Variants in SAFB2 observed in about 807,000 individuals in gnomAD.
The protein encoded by SAFB2 is scaffold attachment factor B2.
A neutral mutation model predicts 100.6 loss-of-function variants in SAFB2; 32 were observed. The ratio of observed to expected loss-of-function variants is 0.32; its 90% CI spans 0.24 to 0.43. SAFB2 has a LOEUF of 0.43. Ranked by LOEUF, SAFB2 falls within the 20% of genes least tolerant of loss-of-function variation. The probability of loss-of-function intolerance (pLI) is 1.00; values close to 1 mark genes in which losing one functional copy is unlikely to be tolerated. For missense variants in SAFB2, 1,185 were observed against 1,163.4 expected, an observed-to-expected ratio of 1.02 and a Z score of -0.27; for synonymous variants, 500 against 439.4, an observed-to-expected ratio of 1.14 and a Z score of -1.72.
chr19:5,622,766 A>G lies in SAFB2; in HGVS notation c.-51T>C, dbSNP rs761296395. 6.5e-7 allele frequency: 1 copy of G among 1,547,586 alleles called. No individual in the cohort carries two copies. Among genetic ancestry groups the G allele is most frequent in the South Asian group, 1.2e-5 (1 of 85,582 alleles). On this transcript the variant is annotated 5_prime_UTR_variant, in exon 1 of 21. Transcript: ENST00000252542. ...ACTCAGTCGCACACCGCCGGCAGCTATAGCGGCTCTGAACACAAAATGGCG... is the reference window on the plus strand; with the variant it reads ...ACTCAGTCGCACACCGCCGGCAGCTGTAGCGGCTCTGAACACAAAATGGCG...
intron 9 of SAFB2, among the ~76,000 whole-genome samples, chr19:5,606,603 G>A (rs901062704): frequency 3.9e-5 from 6 of 152,128 alleles, no homozygotes; most frequent in Admixed American, 6.5e-5. Context: ...GGGTGACACA[G>A]TGAGATCCTG....
intron 14 of SAFB2, among the ~76,000 whole-genome samples, chr19:5,594,572 G>A (rs958516014): frequency 6.6e-5 from 10 of 152,102 alleles, no homozygotes; most frequent in Middle Eastern, 3.2e-3. Flanking sequence ...AATGACAACT[G>A]GACTCTGCTT....
At chr19:5,616,605 C>A (rs1319640437) in intron 2 of SAFB2, 119 bp from the exon 3 acceptor site, 2 of 843,900 alleles carry the variant, frequency 2.4e-6, no homozygotes, top group East Asian at 4.9e-5. Context: ...ATAAGTCTCC[C>A]CTCTCCTGTC....
chr19:5,607,269 A>G (rs185711352), intron 9 of SAFB2, among the ~76,000 whole-genome samples: 16 of 151,750 alleles, frequency 1.1e-4, no homozygotes, highest in Non-Finnish European at 1.9e-4. Flanking sequence ...TCAAAAACAA[A>G]CAAAAACAAA....
intron 13 of SAFB2, among the ~76,000 whole-genome samples, chr19:5,596,217 T>G (rs1258103635): frequency 2.0e-5 from 3 of 152,210 alleles, no homozygotes; most frequent in Non-Finnish European, 2.9e-5. Context: ...GAGCTGAGAT[T>G]GCGCCACTGT....
rs1303648616 is a variant in SAFB2 at position 5,622,512 on chromosome 19, A to T, written c.186+18T>A. On this transcript the variant is annotated intron_variant, in intron 1 of 20. Coordinates refer to ENST00000252542, the MANE Select transcript of SAFB2 (RefSeq NM_014649.3). ...GCCCGGGCCTCCTGCGCCACCCCCG[A>T]GCCCCGCGCCGCCTCACCTTCTTGA... 18 of 1,581,492 alleles carry T rather than the reference A, an allele frequency of 1.1e-5. 1 individual carries two copies. In the Admixed American group the frequency reaches 2.3e-4, roughly 20 times the overall value.
At chr19:5,589,121 G>A (rs57618432) in intron 18 of SAFB2, 13,586 of 152,312 alleles carry the variant, frequency 0.089, 922 homozygotes, top group African/African-American at 0.19. Context: ...GTGCAATACC[G>A]CCCTGGAGGG....
chr19:5,612,847 C>A (rs1052591949), intron 5 of SAFB2, among the ~76,000 whole-genome samples: 1 of 152,208 alleles, frequency 6.6e-6, no homozygotes, highest in African/African-American at 2.4e-5. Context: ...ACCAAGCTGA[C>A]CTAGTGGCTG....
rs766897032 is a variant in SAFB2 at position 5,595,380 on chromosome 19, G to T, written c.1900C>A (p.Arg634Ser). The T allele has an allele frequency of 1.2e-6, 2 of 1,611,596 alleles. No individual in the cohort carries two copies. Among genetic ancestry groups the T allele is most frequent in the Non-Finnish European group, 1.7e-6 (2 of 1,179,880 alleles). ...ACTCACCGCCGCCTCTCCGTTTCGC[G>T]GATCTCCCGTTCCCGCTGCCTCTGG... ...ERQRQREREIRETERRREREQ... is the reference protein window; with the variant it reads ...ERQRQREREISETERRREREQ... Residue 634 changes from arginine to serine, a missense_variant, in exon 14 of 21, where the codon CGC becomes AGC. Arg to Ser is a moderately radical substitution (Grantham distance 110). This residue lies in a region of SAFB2 where 740 missense variants were observed against 687.1 expected (regional missense o/e 1.08). Coordinates refer to ENST00000252542, the MANE Select transcript of SAFB2 (RefSeq NM_014649.3).
rs374129442 is a variant in SAFB2, at chr19:5,588,112, A to G, written c.2526-132T>C. 4.9e-5 allele frequency: 37 copies of G among 760,316 alleles called. No homozygotes were observed. In the African/African-American group the frequency reaches 5.1e-4, roughly 11 times the overall value. The allele number at this position is 760,316 out of a possible 1,614,324, so 47.1% of individuals were successfully genotyped here. A position where few individuals can be genotyped will look rare whatever the true frequency, so the allele number is the denominator to read the frequency against. ...AACAAGGGCTGCATGTCAAGTGGGC[A>G]AATCAAGGGAAGGGACATTTCCCCA... is the stretch of plus-strand genomic sequence containing the variant. On this transcript the variant is annotated intron_variant, in intron 18 of 20. Transcript: ENST00000252542.
chr19:5,615,234 G>C (rs1163018966), intron 4 of SAFB2, among the ~76,000 whole-genome samples: 1 of 152,152 alleles, frequency 6.6e-6, no homozygotes, highest in Non-Finnish European at 1.5e-5. Flanking sequence ...GCATGCCTCT[G>C]GTCCCAGCTC....
At chr19:5,613,713 C>T (rs535611522) in intron 4 of SAFB2, 186 bp from the exon 5 acceptor site, 23 of 985,464 alleles carry the variant, frequency 2.3e-5, no homozygotes, top group African/African-American at 7.0e-5. Context: ...CGACTCTGCT[C>T]CACCAGCGTC....
rs1375337874 is a variant in SAFB2 at position 5,600,122 on chromosome 19, C to T, written c.1690+8G>A. ...CCCCTTCCACAGCTCTTAAAAGGCT[C>T]TCCTCACCTGATTTGGTGACTCTAG... On this transcript the variant is annotated splice_region_variant and intron_variant, in intron 12 of 20. Coordinates refer to ENST00000252542, the MANE Select transcript of SAFB2 (RefSeq NM_014649.3). The T allele has an allele frequency of 6.2e-7, 1 of 1,609,440 alleles. No homozygotes were observed. Among genetic ancestry groups the T allele is most frequent in the Non-Finnish European group, 8.5e-7 (1 of 1,178,788 alleles).
chr19:5,588,403 GC>G (rs1451784736), intron 18 of SAFB2, among the ~76,000 whole-genome samples: 36 of 152,178 alleles, frequency 2.4e-4, no homozygotes, highest in Non-Finnish European at 4.7e-4. Context: ...ATTCCTACCT[GC>G]CAGAAATGAA....
intron 11 of SAFB2, among the ~76,000 whole-genome samples, chr19:5,601,552 T>C (rs1234853797): frequency 6.6e-6 from 1 of 151,596 alleles, no homozygotes; most frequent in African/African-American, 2.4e-5. Flanking sequence ...CTACTAAAAA[T>C]ACAAAAAAAT....
At position 5,598,963 on chromosome 19, in the gene SAFB2, C is replaced by T; in HGVS notation, c.1691-79G>A. On this transcript the variant is annotated intron_variant, in intron 12 of 20. Transcript: ENST00000252542. The stretch of plus-strand genomic sequence containing the variant: ...GCAGTAAACAGCACTCTGATGGACC[C>T]TGGGCTTTTGAACACACAAGGCGTG... The T allele has an allele frequency of 2.3e-6, 3 of 1,331,386 alleles. 1 individual carries two copies. In the South Asian group the frequency reaches 3.6e-5, roughly 16 times the overall value. The allele number at this position is 1,331,386 out of a possible 1,614,324, so 82.5% of individuals were successfully genotyped here. A position where few individuals can be genotyped will look rare whatever the true frequency, so the allele number is the denominator to read the frequency against.
intron 9 of SAFB2, among the ~76,000 whole-genome samples, chr19:5,607,903 A>C (rs574756383): frequency 2.6e-5 from 4 of 152,384 alleles, no homozygotes; most frequent in African/African-American, 9.6e-5. Context: ...GTCCAGGGCC[A>C]AAGGGACAGA....
chr19:5,613,779 T>C (rs2052962842), intron 4 of SAFB2: 1 of 983,534 alleles, frequency 1.0e-6, no homozygotes, highest in South Asian at 4.7e-5. Context: ...AATGAACGAA[T>C]GAATTTCCCA....
At chr19:5,595,635 A>AG (rs2052520982) in intron 13 of SAFB2, 138 bp from the exon 14 acceptor site, 1 of 1,049,616 alleles carries the variant, frequency 9.5e-7, no homozygotes, top group African/African-American at 1.6e-5. Context: ...TCCAGACCAG[A>AG]GGCCCAGGCA....
Sources: gnomAD v4.1 joint callset for allele counts (sites outside exome capture counted in the v4.1 genomes callset) on GRCh38, gnomAD v4.1.1 for gene constraint, gnomAD v4.1.1 regional missense constraint, MANE v1.5 for transcripts, NCBI Gene and HGNC (gene_info 2026-07-23, HGNC 2026-07-21) for gene names.